The following PDE1C variants were observed in gnomAD, a reference collection of about 807,000 sequenced individuals.
PDE1C encodes the protein phosphodiesterase 1C, also known as dual specificity calcium/calmodulin-dependent 3',5'-cyclic nucleotide phosphodiesterase 1C.
PDE1C carries 62 observed loss-of-function variants against 93.1 expected under a neutral mutation model. The observed-to-expected ratio is 0.67, with a 90% CI of 0.54 to 0.82. PDE1C has a LOEUF of 0.82. Among genes scored for constraint, PDE1C ranks in the 40% least tolerant of loss-of-function variants. The pLI, the probability that PDE1C is intolerant of heterozygous loss-of-function variation, is 0.00. For synonymous variants in PDE1C, 325 were observed against 310.1 expected, an observed-to-expected ratio of 1.05 and a Z score of -0.50; for missense variants, 742 against 884.6, an observed-to-expected ratio of 0.84 and a Z score of 2.04.
chr7:32,337,728 A>AT (rs570360267), intron 1 of PDE1C, among the ~76,000 whole-genome samples: 2 of 151,508 alleles, frequency 1.3e-5, no homozygotes, highest in Non-Finnish European at 2.9e-5. Flanking sequence ...AAGGGAAAGG[A>AT]GGGGGGAGAA....
chr7:31,773,133 T>C (rs1180636575), intron 17 of PDE1C, among the ~76,000 whole-genome samples: 1 of 152,242 alleles, frequency 6.6e-6, no homozygotes, highest in East Asian at 1.9e-4. Context: ...CACTGTGTAG[T>C]ACCAGTTACA....
chr7:31,773,385 G>A (rs1371038231), intron 17 of PDE1C, among the ~76,000 whole-genome samples: 1 of 152,034 alleles, frequency 6.6e-6, no homozygotes, highest in African/African-American at 2.4e-5. Context: ...GAGCAAGTGG[G>A]TCCCAGGACA....
chr7:32,173,012 T>C (rs912320420), intron 2 of PDE1C, among the ~76,000 whole-genome samples: 1 of 152,126 alleles, frequency 6.6e-6, no homozygotes, highest in Non-Finnish European at 1.5e-5. Flanking sequence ...TTGCTGGGTA[T>C]ATACCCAAAG....
chr7:31,872,199 T>G (rs918885316), intron 6 of PDE1C, among the ~76,000 whole-genome samples: 1 of 152,100 alleles, frequency 6.6e-6, no homozygotes, highest in Non-Finnish European at 1.5e-5. Flanking sequence ...GAGAGTAGAA[T>G]GATAGATACT....
intron 16 of PDE1C, among the ~76,000 whole-genome samples, chr7:31,776,864 A>AACTTCCCAAACTTTT (rs1305072391): frequency 2.0e-5 from 3 of 151,880 alleles, no homozygotes; most frequent in Admixed American, 2.0e-4. Context: ...AGTCCCCACA[A>AACTTCCCAAACTTTT]ACTTCCCAAA....
chr7:31,750,468 C>G (rs1794098528), downstream of PDE1C, among the ~76,000 whole-genome samples: 1 of 152,196 alleles, frequency 6.6e-6, no homozygotes, highest in Non-Finnish European at 1.5e-5. Context: ...TACCCTTGAA[C>G]TCAGGGCCTA....
At chr7:31,710,591 T>C in the PDE1C span, among the ~76,000 whole-genome samples, 1 of 152,200 alleles carries the variant, frequency 6.6e-6, no homozygotes, top group Non-Finnish European at 1.5e-5. Flanking sequence ...CATGTGGTTG[T>C]GAAAATAAGT....
chr7:31,638,836 ACC>A, the PDE1C span, among the ~76,000 whole-genome samples: 1 of 151,872 alleles, frequency 6.6e-6, no homozygotes, highest in Non-Finnish European at 1.5e-5. Context: ...GAGTGGAGTG[ACC>A]CAATCTCAGC....
At chr7:31,744,943 TA>T in the PDE1C span, among the ~76,000 whole-genome samples, 2 of 152,168 alleles carry the variant, frequency 1.3e-5, no homozygotes, top group Non-Finnish European at 2.9e-5. Flanking sequence ...TTTTGAATCT[TA>T]AAAATATAGC....
Position 31,786,019 on chromosome 7 carries a change from T to C in PDE1C, c.1892-10287A>G, listed in dbSNP as rs376741980. ...CCATTTGTTCATGCATAAGATCCAA[T>C]ATAACATCATTATTGCAACATTATG... On this transcript the variant is annotated intron_variant, in intron 16 of 17. Coordinates refer to ENST00000396191, the MANE Select transcript of PDE1C (RefSeq NM_001191057.4). 12 of 152,368 alleles carry C rather than the reference T, an allele frequency of 7.9e-5. 1 individual carries two copies. The highest frequency in any genetic ancestry group is 1.3e-4 in the Admixed American group (2 of 15,306). The allele number at this position is 152,368 out of a possible 1,614,324, so 9.4% of individuals were successfully genotyped here. A position where few individuals can be genotyped will look rare whatever the true frequency, so the allele number is the denominator to read the frequency against.
intron 2 of PDE1C, among the ~76,000 whole-genome samples, chr7:31,933,179 C>G (rs879272466): frequency 2.6e-5 from 4 of 151,844 alleles, no homozygotes; most frequent in Non-Finnish European, 5.9e-5. Flanking sequence ...ACATGTATAC[C>G]TATGTAACAA....
chr7:32,234,277 A>G (rs1338461850), intron 1 of PDE1C, among the ~76,000 whole-genome samples: 1 of 151,986 alleles, frequency 6.6e-6, no homozygotes, highest in Non-Finnish European at 1.5e-5. Flanking sequence ...AACCCAACGA[A>G]ATATTTAAAA....
chr7:31,963,879 A>C (rs1234471181), intron 2 of PDE1C, among the ~76,000 whole-genome samples: 1 of 152,198 alleles, frequency 6.6e-6, no homozygotes, highest in Non-Finnish European at 1.5e-5. Context: ...GCTGGGAGTC[A>C]ATGTATGAAA....
At chr7:31,705,536 T>C in the PDE1C span, among the ~76,000 whole-genome samples, 9 of 152,278 alleles carry the variant, frequency 5.9e-5, no homozygotes, top group African/African-American at 2.2e-4. Context: ...AAATTGTTTT[T>C]CTCCTCCAAT....
chr7:31,620,030 T>C, the PDE1C span, among the ~76,000 whole-genome samples: 1 of 152,122 alleles, frequency 6.6e-6, no homozygotes. Context: ...GAGATCAAAC[T>C]GCAAGGTGGC....
At chr7:31,794,925 G>A (rs1420903774) in intron 16 of PDE1C, among the ~76,000 whole-genome samples, 1 of 151,914 alleles carries the variant, frequency 6.6e-6, no homozygotes, top group African/African-American at 2.4e-5. Context: ...TTCAGGAAAA[G>A]CAGAAAAGAT....
intron 2 of PDE1C, among the ~76,000 whole-genome samples, chr7:32,197,291 C>T (rs1049798237): frequency 6.6e-6 from 1 of 152,002 alleles, no homozygotes; most frequent in Non-Finnish European, 1.5e-5. Context: ...ATTTAAATAA[C>T]CATACCATGT....
chr7:31,630,314 C>G, the PDE1C span, among the ~76,000 whole-genome samples: 1 of 147,586 alleles, frequency 6.8e-6, no homozygotes, highest in Non-Finnish European at 1.5e-5. Flanking sequence ...GTGCCAGGAA[C>G]TATGCTAAGT....
At chr7:32,242,832 A>G (rs1808639166) in intron 1 of PDE1C, among the ~76,000 whole-genome samples, 1 of 152,186 alleles carries the variant, frequency 6.6e-6, no homozygotes, top group Non-Finnish European at 1.5e-5. Context: ...TAGTTGAAGC[A>G]AAAGGGTAAA....
Sources: gnomAD v4.1 joint callset for allele counts (sites outside exome capture counted in the v4.1 genomes callset) on GRCh38, gnomAD v4.1.1 for gene constraint, MANE v1.5 for transcripts, NCBI Gene and HGNC (gene_info 2026-07-23, HGNC 2026-07-21) for gene names.